The following ATG4A variants were observed in gnomAD, a reference collection of about 807,000 sequenced individuals.
ATG4A encodes cysteine protease ATG4A.
A neutral mutation model predicts 38.4 loss-of-function variants in ATG4A; 22 were observed. That is an observed-to-expected ratio of 0.57 (90% CI 0.41 to 0.82). The LOEUF is 0.82. ATG4A is among the 40% of genes least tolerant of loss of function. ATG4A has a pLI of 0.00. For synonymous variants in ATG4A, 86 were observed against 100.7 expected, an observed-to-expected ratio of 0.85 and a Z score of 0.88; for missense variants, 220 against 290.0, an observed-to-expected ratio of 0.76 and a Z score of 1.75.
chrX:108,148,467 C>A (rs867595802), intron 9 of ATG4A, among the ~76,000 whole-genome samples: 48 of 78,778 alleles, frequency 6.1e-4, no homozygotes, highest in Admixed American at 6.2e-4. Context: ...GACCCTGTCT[C>A]AAAAAAAAAA....
chrX:108,153,533 T>C (rs1284203405), intron 12 of ATG4A, 109 bp from the exon 13 acceptor site: 74 of 567,331 alleles, frequency 1.3e-4, no homozygotes, highest in Non-Finnish European at 2.9e-6. Context: ...AGTCTTTCTT[T>C]AGTACAGCAA....
At chrX:108,099,164 A>AT (rs908749585) in intron 1 of ATG4A, among the ~76,000 whole-genome samples, 1 of 108,438 alleles carries the variant, frequency 9.2e-6, no homozygotes. Flanking sequence ...TATTCTCACT[A>AT]TTTTTTTTTT....
chrX:108,131,449 A>T, intron 4 of ATG4A, 91 bp downstream of exon 4: 1 of 896,660 alleles, frequency 1.1e-6, no homozygotes, highest in Middle Eastern at 2.8e-4. Flanking sequence ...CCTTGGGAAC[A>T]CTCAGTAACA....
chrX:108,141,071 C>CAT (rs139918190), intron 9 of ATG4A, among the ~76,000 whole-genome samples: 1,004 of 34,970 alleles, frequency 0.029, 34 homozygotes, highest in African/African-American at 0.087. Flanking sequence ...TATATATATA[C>CAT]ATATATATAT....
intron 1 of ATG4A, among the ~76,000 whole-genome samples, chrX:108,093,561 C>A (rs1386691529): frequency 9.0e-6 from 1 of 111,668 alleles, no homozygotes; most frequent in African/African-American, 3.2e-5. Context: ...ATATTTTTTT[C>A]ATTTCTCTTT....
chrX:108,132,691 A>G (rs2032992450), intron 4 of ATG4A, among the ~76,000 whole-genome samples: 1 of 110,048 alleles, frequency 9.1e-6, no homozygotes, highest in Admixed American at 9.7e-5. Context: ...TTGTTTATAC[A>G]TGCTTCTTGG....
chrX:108,131,269 G>C lies in ATG4A; in HGVS notation c.203G>C (p.Gly68Ala), dbSNP rs2032945476. 1 of 1,209,667 alleles carries C rather than the reference G, an allele frequency of 8.3e-7. No homozygotes were observed. Among genetic ancestry groups the C allele is most frequent in the African/African-American group, 1.7e-5 (1 of 57,288 alleles). The change falls in exon 4 of 13, where the codon GGC becomes GCC. Residue 68 changes from glycine (G) to alanine (A), a missense_variant. Around this residue, in one of 3 missense-constraint regions of ATG4A, gnomAD observed 61 missense variants for 83.3 expected, o/e 0.73. Transcript: ENST00000372232. ...RRKFSPIGGT[G>A]PSSDAGWGCM... ...TCCATTTTGCCAACAGGTGGAACGGGCCCTTCATCAGATGCTGGTTGGGGA... is the reference window on the plus strand; with the variant it reads ...TCCATTTTGCCAACAGGTGGAACGGCCCCTTCATCAGATGCTGGTTGGGGA...
At chrX:108,126,968 A>T (rs1476927847) in intron 2 of ATG4A, 2 of 279,034 alleles carry the variant, frequency 7.2e-6, no homozygotes, top group Admixed American at 9.5e-5. Flanking sequence ...AAGGCAGGAG[A>T]GGAAGTTAGG....
At chrX:108,107,563 G>T (rs1304751290) in intron 1 of ATG4A, among the ~76,000 whole-genome samples, 1 of 111,911 alleles carries the variant, frequency 8.9e-6, no homozygotes, top group African/African-American at 3.3e-5. Context: ...GATGTACCTG[G>T]TTCTTTTTAT....
At chrX:108,142,450 TATATA>T (rs2033324316) in intron 9 of ATG4A, among the ~76,000 whole-genome samples, 1 of 109,664 alleles carries the variant, frequency 9.1e-6, no homozygotes, top group African/African-American at 3.3e-5. Context: ...TAATGGAATA[TATATA>T]CATATATATG....
intron 1 of ATG4A, among the ~76,000 whole-genome samples, chrX:108,109,532 A>G (rs1026071137): frequency 8.9e-6 from 1 of 112,206 alleles, no homozygotes; most frequent in Admixed American, 9.4e-5. Context: ...TTGATGTCAT[A>G]TCCAAGAAAT....
intron 2 of ATG4A, among the ~76,000 whole-genome samples, chrX:108,127,245 C>T (rs972479667): frequency 8.9e-6 from 1 of 111,780 alleles, no homozygotes; most frequent in African/African-American, 3.3e-5. Context: ...AATTGGGAAA[C>T]GCCTCTTAAA....
At chrX:108,108,159 CTTTTTTTTT>C (rs35622417) in intron 1 of ATG4A, among the ~76,000 whole-genome samples, 1 of 65,763 alleles carries the variant, frequency 1.5e-5, no homozygotes, top group Non-Finnish European at 2.7e-5. Context: ...TTTTGAGGCA[CTTTTTTTTT>C]TTTTTTTTTT....
At chrX:108,098,889 A>G (rs971242350) in intron 1 of ATG4A, among the ~76,000 whole-genome samples, 6 of 111,397 alleles carry the variant, frequency 5.4e-5, no homozygotes, top group Non-Finnish European at 1.1e-4. Context: ...CCATTCATCT[A>G]TTAAGGGACA....
At chrX:108,142,959 C>T (rs759377920) in intron 9 of ATG4A, among the ~76,000 whole-genome samples, 12 of 111,788 alleles carry the variant, frequency 1.1e-4, no homozygotes, top group Admixed American at 3.8e-4. Flanking sequence ...TGAGATCATA[C>T]ATCATCTTCA....
At position 108,148,562 on chromosome X, in the gene ATG4A, G is replaced by A. The variant is rs190416374; in HGVS notation, c.815-1590G>A. Among the ~76,000 whole-genome samples the A allele has an allele frequency of 3.7e-4, 40 of 108,587 alleles. No individual in the cohort carries two copies. In the East Asian group the frequency reaches 0.01, roughly 28 times the overall value. 94.3% of individuals were successfully genotyped at this position (108,587 alleles called of 115,157 possible). On this transcript the variant is annotated intron_variant, in intron 9 of 12. Coordinates refer to ENST00000372232, the MANE Select transcript of ATG4A (RefSeq NM_052936.5). ...CACACACACACCACCCATGGGAAAA[G>A]GTCCTGGTCAGAGTCAGAGAAGATG...
chrX:108,134,369 T>C lies in ATG4A; in HGVS notation c.425T>C (p.Ile142Thr). 2 of 1,211,330 alleles carry C rather than the reference T, an allele frequency of 1.7e-6. No homozygotes were observed. Among genetic ancestry groups the C allele is most frequent in the Non-Finnish European group, 2.2e-6 (2 of 895,148 alleles). Reference protein sequence around the residue: ...AQMGVGEGKSIGEWFGPNTVA... With the variant: ...AQMGVGEGKSTGEWFGPNTVA... ...ATGGGTGTAGGAGAAGGGAAATCAA[T>C]TGGAGAATGGTTTGGACCAAATACA... The change falls in exon 6 of 13, where the codon ATT (isoleucine) becomes ACT (threonine). Residue 142 changes from isoleucine (I) to threonine (T), a missense_variant. Coordinates refer to ENST00000372232, the MANE Select transcript of ATG4A (RefSeq NM_052936.5).
intron 1 of ATG4A, among the ~76,000 whole-genome samples, chrX:108,107,598 T>C (rs1431606122): frequency 8.9e-6 from 1 of 111,968 alleles, no homozygotes. Context: ...TACTGTATCT[T>C]GGGCATTTTA....
chrX:108,153,630 G>A lies in ATG4A; in HGVS notation c.1127-12G>A, dbSNP rs199971009. 811 of 1,191,084 alleles carry A rather than the reference G, an allele frequency of 6.8e-4. 4 individuals carry two copies. Among genetic ancestry groups the A allele is most frequent in the South Asian group, 1.8e-4 (10 of 55,259 alleles). ...CAAGCTTTTCTTCTTTCTCATTTCC[G>A]TATTCTGATAGAATTCATTGACTCT... On this transcript the variant is annotated splice_polypyrimidine_tract_variant and intron_variant, in intron 12 of 12. Transcript: ENST00000372232.
Sources: gnomAD v4.1 joint callset for allele counts (sites outside exome capture counted in the v4.1 genomes callset) on GRCh38, gnomAD v4.1.1 for gene constraint, gnomAD v4.1.1 regional missense constraint, MANE v1.5 for transcripts, NCBI Gene and HGNC (gene_info 2026-07-23, HGNC 2026-07-21) for gene names.